Variants in HTR4 observed in about 807,000 individuals in gnomAD.
HTR4 encodes 5-hydroxytryptamine receptor 4.
In HTR4, 16 loss-of-function variants were observed where a neutral mutation model predicts 36.8. That is an observed-to-expected ratio of 0.43 (90% CI 0.29 to 0.66). The LOEUF (loss-of-function observed/expected upper bound fraction) is 0.66. HTR4 is among the 30% of genes least tolerant of loss of function. The probability of loss-of-function intolerance (pLI) is 0.13; values close to 1 mark genes in which losing one functional copy is unlikely to be tolerated. For synonymous variants in HTR4, 189 were observed against 185.1 expected, an observed-to-expected ratio of 1.02 and a Z score of -0.17; for missense variants, 438 against 490.9, an observed-to-expected ratio of 0.89 and a Z score of 1.02.
rs763040124 is a variant in HTR4 at position 148,550,134 on chromosome 5, C to G, written c.152+3G>C. On this transcript the variant is annotated splice_donor_region_variant and intron_variant, in intron 3 of 6. Transcript: ENST00000377888. ...CCTCAAAAGGTTCCCTCCTGCTGCT[C>G]ACCTGAGCTGCCTGTCCCAGCACAC... The G allele has an allele frequency of 6.2e-7, 1 of 1,613,996 alleles. No homozygotes were observed. Among genetic ancestry groups the G allele is most frequent in the Non-Finnish European group, 8.5e-7 (1 of 1,179,990 alleles).
At chr5:148,557,181 A>G (rs1759985013) in intron 2 of HTR4, among the ~76,000 whole-genome samples, 2 of 152,096 alleles carry the variant, frequency 1.3e-5, no homozygotes, top group Admixed American at 6.5e-5. Context: ...ACATGGGGGC[A>G]GGGGTGATAA....
intron 5 of HTR4, among the ~76,000 whole-genome samples, chr5:148,465,537 G>C (rs1340977414): frequency 6.6e-6 from 1 of 152,128 alleles, no homozygotes; most frequent in African/African-American, 2.4e-5. Context: ...CCAGATGAGA[G>C]GACTTCTAAG....
At chr5:148,549,178 A>G (rs893090812) in intron 3 of HTR4, among the ~76,000 whole-genome samples, 1 of 152,116 alleles carries the variant, frequency 6.6e-6, no homozygotes, top group African/African-American at 2.4e-5. Flanking sequence ...TTCCCTGCAC[A>G]TATAGGTCCC....
chr5:148,504,926 C>T (rs1274900377), intron 6 of HTR4, among the ~76,000 whole-genome samples: 1 of 152,142 alleles, frequency 6.6e-6, no homozygotes, highest in Non-Finnish European at 1.5e-5. Context: ...CACATACACC[C>T]TCCCAAGACT....
intron 2 of HTR4, among the ~76,000 whole-genome samples, chr5:148,567,749 G>A (rs1009907534): frequency 6.6e-6 from 1 of 152,066 alleles, no homozygotes; most frequent in Non-Finnish European, 1.5e-5. Context: ...CTGCTCAAAG[G>A]TGTCCCCATC....
chr5:148,465,694 A>G (rs1316244985), intron 5 of HTR4, among the ~76,000 whole-genome samples: 1 of 152,182 alleles, frequency 6.6e-6, no homozygotes, highest in Admixed American at 6.5e-5. Flanking sequence ...CACTGAAACT[A>G]TATTAATATG....
At chr5:148,492,044 T>C (rs1271235387) in intron 6 of HTR4, among the ~76,000 whole-genome samples, 1 of 152,208 alleles carries the variant, frequency 6.6e-6, no homozygotes, top group African/African-American at 2.4e-5. Flanking sequence ...ACTGCCTCTA[T>C]CTTTGACCTC....
downstream of HTR4, among the ~76,000 whole-genome samples, chr5:148,475,531 T>C (rs1755674680): frequency 6.6e-6 from 1 of 152,216 alleles, no homozygotes; most frequent in Non-Finnish European, 1.5e-5. Flanking sequence ...CCATTTTCCA[T>C]GCGTGCAGAT....
At chr5:148,484,462 G>A in intron 6 of HTR4, 2 of 1,321,876 alleles carry the variant, frequency 1.5e-6, no homozygotes, top group African/African-American at 2.9e-5. Flanking sequence ...TATGGTTTCT[G>A]GAGATTAGCT....
chr5:148,644,440 T>G (rs1310863789), intron 1 of HTR4, among the ~76,000 whole-genome samples: 7 of 143,564 alleles, frequency 4.9e-5, no homozygotes, highest in South Asian at 4.7e-4. Flanking sequence ...TTTTTTTTTT[T>G]TTTTTTTTTT....
intron 6 of HTR4, among the ~76,000 whole-genome samples, chr5:148,507,720 G>A (rs1051093779): frequency 6.6e-6 from 1 of 151,892 alleles, no homozygotes; most frequent in African/African-American, 2.4e-5. Context: ...AGTAAAATAG[G>A]CTTTCTTGGG....
At chr5:148,472,962 T>A (rs188352298), downstream of HTR4, among the ~76,000 whole-genome samples, 242 of 152,250 alleles carry the variant, frequency 1.6e-3, 1 homozygote, top group African/African-American at 5.7e-3. Flanking sequence ...TATGTGTGAT[T>A]TTAAAAACAT....
At chr5:148,507,378 G>A (rs1437677132) in intron 6 of HTR4, among the ~76,000 whole-genome samples, 2 of 109,514 alleles carry the variant, frequency 1.8e-5, no homozygotes, top group Non-Finnish European at 3.4e-5. Flanking sequence ...CTGTCGTGGG[G>A]TGGGGGGAGG....
chr5:148,483,564 A>G (rs1030461289), intron 6 of HTR4, among the ~76,000 whole-genome samples: 2 of 152,088 alleles, frequency 1.3e-5, no homozygotes, highest in African/African-American at 4.8e-5. Flanking sequence ...CCCCCTCAAC[A>G]TTGTGCCCTC....
intron 6 of HTR4, among the ~76,000 whole-genome samples, chr5:148,507,545 T>C (rs967944973): frequency 2.0e-5 from 3 of 149,352 alleles, no homozygotes; most frequent in Non-Finnish European, 3.0e-5. Context: ...TAAAATAAAA[T>C]GGTAATTGTA....
chr5:148,526,394 A>G (rs763891117), intron 4 of HTR4, among the ~76,000 whole-genome samples: 2 of 152,194 alleles, frequency 1.3e-5, no homozygotes, highest in African/African-American at 2.4e-5. Context: ...TATCCCAAAA[A>G]GGCAATAGAG....
intron 6 of HTR4, among the ~76,000 whole-genome samples, chr5:148,505,915 G>A (rs955465608): frequency 1.3e-5 from 2 of 152,146 alleles, no homozygotes; most frequent in African/African-American, 4.8e-5. Context: ...TCATGGATAG[G>A]AAGAATCAAT....
intron 2 of HTR4, among the ~76,000 whole-genome samples, chr5:148,627,781 A>G (rs946612004): frequency 6.6e-6 from 1 of 152,242 alleles, no homozygotes; most frequent in Non-Finnish European, 1.5e-5. Context: ...AATTGAAAAA[A>G]TGTCTGAAAT....
downstream of HTR4, among the ~76,000 whole-genome samples, chr5:148,472,947 G>T (rs141602716): frequency 2.0e-5 from 3 of 152,100 alleles, no homozygotes; most frequent in South Asian, 4.1e-4. Context: ...TTATTGTTGT[G>T]TGTGTATGTG....
Sources: allele counts gnomAD v4.1 joint callset (sites outside exome capture counted in the v4.1 genomes callset), GRCh38; gene constraint gnomAD v4.1.1; transcripts MANE v1.5; gene names NCBI Gene and HGNC (gene_info 2026-07-23, HGNC 2026-07-21).